Variants in TRRAP observed in about 807,000 individuals in gnomAD.
TRRAP encodes the protein transformation/transcription domain associated protein.
TRRAP carries 41 observed loss-of-function variants against 438.8 expected under a neutral mutation model. That is an observed-to-expected ratio of 0.09 (90% CI 0.07 to 0.12). TRRAP has a LOEUF of 0.12. TRRAP is among the 10% of genes least tolerant of loss of function. TRRAP has a pLI of 1.00. For synonymous variants in TRRAP, 1,994 were observed against 1,962.9 expected, an observed-to-expected ratio of 1.02 and a Z score of -0.42; for missense variants, 3,122 against 5,055.1, an observed-to-expected ratio of 0.62 and a Z score of 11.60.
At chr7:98,955,654 C>T (rs1248409619) in intron 41 of TRRAP, among the ~76,000 whole-genome samples, 2 of 152,190 alleles carry the variant, frequency 1.3e-5, no homozygotes, top group Non-Finnish European at 2.9e-5. Flanking sequence ...ATTCATGTTG[C>T]TGGCACCTCC....
At chr7:98,965,653 A>T in intron 48 of TRRAP, 43 bp from the exon 49 acceptor site, 1 of 1,611,226 alleles carries the variant, frequency 6.2e-7, no homozygotes, top group Non-Finnish European at 8.5e-7. Flanking sequence ...GTTTAAATCA[A>T]CGTTTAGAGA....
rs146032337 is a variant in TRRAP at position 98,944,742 on chromosome 7, G to A, written c.4474-1005G>A. On this transcript the variant is annotated intron_variant, in intron 31 of 72. Coordinates refer to ENST00000456197, the MANE Select transcript of TRRAP (RefSeq NM_001375524.1). ...TGGAATCCCCAAATGACAGTGTTCC[G>A]TTGAGACACTATAATTGAAGATATG... 4.8e-3 allele frequency among the ~76,000 whole-genome samples: 736 copies of A among 152,322 alleles called. 1 individual carries two copies. The highest frequency in any genetic ancestry group is 0.016 in the African/African-American group (661 of 41,574).
chr7:98,994,532 T>C lies in TRRAP; in HGVS notation c.10048-55T>C, dbSNP rs1423922635. The stretch of plus-strand genomic sequence containing the variant: ...GCACTCAATAGGCGCTTTTGGCTGC[T>C]GGTTCTGGAGTGGAGGGCTGTGTTT... On this transcript the variant is annotated intron_variant, in intron 66 of 72. Coordinates refer to ENST00000456197, the MANE Select transcript of TRRAP (RefSeq NM_001375524.1). This position sits in a 1 kb window ranked among gnomAD's most constrained non-coding sequence, Gnocchi z 4.8. 5.6e-6 allele frequency: 9 copies of C among 1,605,724 alleles called. No individual in the cohort carries two copies. The highest frequency in any genetic ancestry group is 1.7e-5 in the Admixed American group (1 of 59,636).
chr7:98,913,832 T>C (rs1463516753), intron 18 of TRRAP, among the ~76,000 whole-genome samples: 1 of 152,196 alleles, frequency 6.6e-6, no homozygotes, highest in African/African-American at 2.4e-5. Context: ...ATAGTTATAT[T>C]ACTAAAAGCA....
In TRRAP at chr7:98,994,802, T is replaced by C. The variant is rs1584403391; in HGVS notation, c.10263T>C (p.Thr3421=). The C allele has an allele frequency of 6.2e-7, 1 of 1,613,966 alleles. No homozygotes were observed. Among genetic ancestry groups the C allele is most frequent in the South Asian group, 1.1e-5 (1 of 91,090 alleles). ...SESLARRAQA[T]AQDPVFQKLK... ...CTCTGGCCCGGCGGGCGCAGGCCAC[T>C]GCACAAGACCCTGTCTTTCAGAAGC... Residue 3421 remains threonine (T), a synonymous_variant, in exon 67 of 73, where the codon ACT becomes ACC. Transcript: ENST00000456197. This position sits in a 1 kb window ranked among gnomAD's most constrained non-coding sequence, Gnocchi z 4.8.
chr7:98,878,842 G>C (rs1403783936), intron 1 of TRRAP, among the ~76,000 whole-genome samples: 1 of 152,164 alleles, frequency 6.6e-6, no homozygotes, highest in African/African-American at 2.4e-5. Flanking sequence ...AGCTGTGGGA[G>C]GCGCAGCGCT....
chr7:98,912,719 A>G (rs1789330493), intron 18 of TRRAP, among the ~76,000 whole-genome samples: 1 of 152,116 alleles, frequency 6.6e-6, no homozygotes, highest in South Asian at 2.1e-4. Context: ...TATTAGAAGG[A>G]AAAAAATGTC....
At chr7:98,953,987 A>G (rs997205601) in intron 40 of TRRAP, among the ~76,000 whole-genome samples, 12 of 152,182 alleles carry the variant, frequency 7.9e-5, no homozygotes, top group Non-Finnish European at 1.3e-4. Flanking sequence ...TGTCCATTGC[A>G]TTCTGGCTTC....
rs147380217 is a variant in TRRAP at position 98,976,876 on chromosome 7, A to G, written c.8248-63A>G. 636 of 1,606,460 alleles carry G rather than the reference A, an allele frequency of 4.0e-4. 3 individuals are homozygous for G. In the African/African-American group the frequency reaches 6.7e-3, roughly 17 times the overall value. On this transcript the variant is annotated intron_variant, in intron 55 of 72. Transcript: ENST00000456197. The surrounding 1 kb of genome is among the most constrained non-coding windows in gnomAD (Gnocchi z 4.6). ...TTTCAAATGACAGCACAGTGAAACT[A>G]TTTTTAGGGGGGAAAAAAAGTCTCT...
intron 28 of TRRAP, 101 bp from the exon 29 acceptor site, chr7:98,937,055 C>A (rs570646151): frequency 4.3e-6 from 6 of 1,383,524 alleles, no homozygotes; most frequent in African/African-American, 1.5e-5. Context: ...TAGCAAGACA[C>A]CTTCTCTACC....
intron 67 of TRRAP, chr7:98,998,914 T>G: frequency 2.1e-6 from 1 of 485,774 alleles, no homozygotes; most frequent in East Asian, 3.3e-5. Context: ...GGCCCCATGG[T>G]AGGTCAGTCT....
intron 70 of TRRAP, among the ~76,000 whole-genome samples, chr7:99,010,292 T>C (rs1462974876): frequency 6.6e-6 from 1 of 152,230 alleles, no homozygotes; most frequent in Non-Finnish European, 1.5e-5. Context: ...TTGATGGTTT[T>C]GCCAGCATTC....
Position 98,967,161 on chromosome 7 carries a change from A to G in TRRAP, c.7297A>G (p.Arg2433Gly). 1.2e-6 allele frequency: 2 copies of G among 1,612,720 alleles called. No individual in the cohort carries two copies. The highest frequency in any genetic ancestry group is 1.7e-6 in the Non-Finnish European group (2 of 1,179,488). The change falls in exon 50 of 73, where the codon AGG becomes GGG. Residue 2433 changes from arginine to glycine, a missense_variant and splice_region_variant. Arg to Gly is a moderately radical substitution (Grantham distance 125). Coordinates refer to ENST00000456197, the MANE Select transcript of TRRAP (RefSeq NM_001375524.1). The stretch of plus-strand genomic sequence containing the variant: ...TTTAGATCTTGTTAACTATGTCTAC[A>G]GGTAATTACAGCAATTAATCAAGTA... ...QFLDLVNYVY[R>G]DETLSGSELT...
At chr7:98,878,952 C>T (rs896801211) in intron 1 of TRRAP, among the ~76,000 whole-genome samples, 11 of 152,228 alleles carry the variant, frequency 7.2e-5, no homozygotes, top group Non-Finnish European at 1.0e-4. Flanking sequence ...ACCGGAGGGC[C>T]GTTTGTGAGC....
At chr7:99,001,833 T>C (rs1408677958) in intron 67 of TRRAP, among the ~76,000 whole-genome samples, 1 of 152,242 alleles carries the variant, frequency 6.6e-6, no homozygotes, top group Non-Finnish European at 1.5e-5. Flanking sequence ...CTTCCATTCA[T>C]GTGGGAACTG....
intron 45 of TRRAP, 69 bp downstream of exon 45, chr7:98,959,559 AG>A: frequency 6.4e-7 from 1 of 1,564,120 alleles, no homozygotes; most frequent in East Asian, 2.3e-5. Context: ...TCACCTGGGC[AG>A]GGACTGGACA....
At chr7:99,003,190 G>A (rs1361037732) in intron 67 of TRRAP, among the ~76,000 whole-genome samples, 1 of 152,202 alleles carries the variant, frequency 6.6e-6, no homozygotes, top group Non-Finnish European at 1.5e-5. Flanking sequence ...GCTCCTTCCA[G>A]CACTGGCGCT....
chr7:98,974,553 C>T (rs1792564151), intron 53 of TRRAP, among the ~76,000 whole-genome samples: 1 of 152,164 alleles, frequency 6.6e-6, no homozygotes, highest in Non-Finnish European at 1.5e-5. Flanking sequence ...GTGTGTACAT[C>T]AGAACAAGCC....
chr7:98,951,385 G>A (rs1164827350), intron 39 of TRRAP, among the ~76,000 whole-genome samples: 1 of 152,192 alleles, frequency 6.6e-6, no homozygotes, highest in Non-Finnish European at 1.5e-5. Context: ...AACAGCCAGT[G>A]AGCATATGAG....
Sources: allele counts gnomAD v4.1 joint callset (sites outside exome capture counted in the v4.1 genomes callset), GRCh38; gene constraint gnomAD v4.1.1; non-coding constraint Gnocchi (gnomAD v3.1); transcripts MANE v1.5; gene names NCBI Gene and HGNC (gene_info 2026-07-23, HGNC 2026-07-21).